The following HDAC4 variants were observed in gnomAD, a reference collection of about 807,000 sequenced individuals.
HDAC4 encodes the protein histone deacetylase A.
Under a neutral mutation model 135.1 loss-of-function variants are expected in HDAC4, and 16 were observed. The observed-to-expected ratio is 0.12, with a 90% CI of 0.08 to 0.18. The LOEUF is 0.18. HDAC4 is among the 10% of genes least tolerant of loss of function. The pLI, the probability that HDAC4 is intolerant of heterozygous loss-of-function variation, is 1.00. For synonymous variants in HDAC4, 685 were observed against 653.4 expected (o/e 1.05, Z -0.74); for missense variants, 1,143 against 1,511.8 (o/e 0.76, Z 4.05).
chr2:239,276,098 G>A (rs1270238336), intron 2 of HDAC4, among the ~76,000 whole-genome samples: 1 of 152,144 alleles, frequency 6.6e-6, no homozygotes, highest in Non-Finnish European at 1.5e-5. Context: ...CACTGCCAGG[G>A]AGGACTGCGC....
In HDAC4 at chr2:239,068,716, C is replaced by T. The variant is rs764306509; in HGVS notation, c.2751-109G>A. 543 of 932,732 alleles carry T rather than the reference C, an allele frequency of 5.8e-4. 1 individual carries two copies. The highest frequency in any genetic ancestry group is 7.9e-4 in the Non-Finnish European group (450 of 567,502). The allele number at this position is 932,732 out of a possible 1,614,324, so 57.8% of individuals were successfully genotyped here. ...TGATAATGCCTGCCCCGCACCCCCT[C>T]GGCCACTGGCGGGCTGAGGGCTCCA... On this transcript the variant is annotated intron_variant, in intron 22 of 26. Coordinates refer to ENST00000543185, the MANE Select transcript of HDAC4 (RefSeq NM_001378414.1). This position sits in a 1 kb window ranked among gnomAD's most constrained non-coding sequence, Gnocchi z 4.4.
At chr2:239,387,910 A>G (rs528255756) in intron 1 of HDAC4, among the ~76,000 whole-genome samples, 123 of 152,186 alleles carry the variant, frequency 8.1e-4, no homozygotes, top group African/African-American at 2.6e-3. Flanking sequence ...CAGGAGCAGC[A>G]GCCAGCTCAG....
chr2:239,311,074 G>A (rs1381475831), intron 2 of HDAC4, among the ~76,000 whole-genome samples: 1 of 152,232 alleles, frequency 6.6e-6, no homozygotes, highest in African/African-American at 2.4e-5. Flanking sequence ...GCTACCTGTG[G>A]TTTCATTCCA....
intron 24 of HDAC4, among the ~76,000 whole-genome samples, chr2:239,066,221 G>A (rs979100367): frequency 6.6e-6 from 1 of 152,188 alleles, no homozygotes; most frequent in Admixed American, 6.5e-5. Context: ...TCCCTCCGGC[G>A]GTGTTGGTAG....
rs891526792 is a variant in HDAC4, at chr2:239,323,930, G to C, written c.22+28748C>G. On this transcript the variant is annotated intron_variant, in intron 2 of 26. Coordinates refer to ENST00000543185, the MANE Select transcript of HDAC4 (RefSeq NM_001378414.1). The stretch of plus-strand genomic sequence containing the variant: ...ATATTTAACTTAAAAAAGAAACAGT[G>C]CAAATTTCAGAATGAAATATATCCT... Among the ~76,000 whole-genome samples, 4 of 152,152 alleles carry C rather than the reference G, an allele frequency of 2.6e-5. No individual in the cohort carries two copies. In the East Asian group the frequency reaches 7.7e-4, roughly 29 times the overall value.
chr2:239,223,603 G>A (rs901762735), intron 3 of HDAC4, among the ~76,000 whole-genome samples: 4 of 152,144 alleles, frequency 2.6e-5, no homozygotes, highest in Non-Finnish European at 5.9e-5. Context: ...ATGAACACAC[G>A]GTACGTAGCT....
chr2:239,366,712 G>T (rs1694242230), intron 1 of HDAC4, among the ~76,000 whole-genome samples: 1 of 152,144 alleles, frequency 6.6e-6, no homozygotes, highest in African/African-American at 2.4e-5. Context: ...TGGGCTCAAT[G>T]GATCATTTAA....
At chr2:239,175,197 A>G (rs2043681056) in intron 5 of HDAC4, among the ~76,000 whole-genome samples, 1 of 152,240 alleles carries the variant, frequency 6.6e-6, no homozygotes, top group Admixed American at 6.5e-5. Flanking sequence ...TGGTGATTAG[A>G]TCCTGACTGT....
Position 239,236,614 on chromosome 2 carries a change from C to T in HDAC4, c.73G>A (p.Val25Met), listed in dbSNP as rs1210413544. 5.8e-6 allele frequency: 9 copies of T among 1,551,608 alleles called. No individual in the cohort carries two copies. The highest frequency in any genetic ancestry group is 1.2e-5 in the South Asian group (1 of 84,064). The change falls in exon 3 of 27, where the codon GTG becomes ATG. Residue 25 changes from valine to methionine, a missense_variant. Coordinates refer to ENST00000543185, the MANE Select transcript of HDAC4 (RefSeq NM_001378414.1). ...TTACCCGTGCTGGGCATGTGGTTCA[C>T]GCGGGCAGGATTCAGCAGCTCCACT... ...QPVELLNPAR[V>M]NHMPSTVDVA... is the part of the protein sequence containing the mutation.
intron 1 of HDAC4, among the ~76,000 whole-genome samples, chr2:239,367,056 C>T (rs1480894367): frequency 6.6e-6 from 1 of 151,990 alleles, no homozygotes; most frequent in African/African-American, 2.4e-5. Flanking sequence ...AAGACCCTAT[C>T]GGCCAAATAA....
chr2:239,349,089 G>A lies in HDAC4; in HGVS notation c.22+3589C>T, dbSNP rs1342198985. On this transcript the variant is annotated intron_variant, in intron 2 of 26. Coordinates refer to ENST00000543185, the MANE Select transcript of HDAC4 (RefSeq NM_001378414.1). The surrounding 1 kb of genome is among the most constrained non-coding windows in gnomAD (Gnocchi z 5.7). ...ACTCCCCCAGCCCGGCCTGCCCAGG[G>A]AGTGAGGGCGGCACGGGCACCCACA... is the stretch of plus-strand genomic sequence containing the variant. 6.6e-6 allele frequency among the ~76,000 whole-genome samples: 1 copy of A among 152,212 alleles called. No individual in the cohort carries two copies. Among genetic ancestry groups the A allele is most frequent in the Non-Finnish European group, 1.5e-5 (1 of 68,036 alleles).
chr2:239,326,722 CA>C (rs1361074194), intron 2 of HDAC4, among the ~76,000 whole-genome samples: 1 of 152,210 alleles, frequency 6.6e-6, no homozygotes, highest in East Asian at 1.9e-4. Flanking sequence ...TGGAAGAAAA[CA>C]ACAGATGGCA....
rs1002614886 is a variant in HDAC4, at chr2:239,128,708, A to G, written c.1295-2014T>C. Among the ~76,000 whole-genome samples, 7 of 152,322 alleles carry G rather than the reference A, an allele frequency of 4.6e-5. No homozygotes were observed. In the East Asian group the frequency reaches 1.3e-3, roughly 29 times the overall value. On this transcript the variant is annotated intron_variant, in intron 11 of 26. Transcript: ENST00000543185. ...CTCCTCGGAAAGCAATGGGAACCTG[A>G]AATACATTTTCCTTAGCGTTGTTTT...
intron 2 of HDAC4, among the ~76,000 whole-genome samples, chr2:239,252,944 G>A (rs1229728821): frequency 2.0e-5 from 3 of 152,228 alleles, no homozygotes; most frequent in African/African-American, 4.8e-5. Flanking sequence ...GCCGGCCACC[G>A]GTTTTGCAAC....
At chr2:239,169,812 C>T (rs986853586) in intron 5 of HDAC4, among the ~76,000 whole-genome samples, 6 of 151,982 alleles carry the variant, frequency 3.9e-5, no homozygotes, top group Non-Finnish European at 7.4e-5. Context: ...CTCCCCTATG[C>T]CGCCCCGTCT....
rs1356485130 is a variant in HDAC4, at chr2:239,308,661, C to T, written c.22+44017G>A. Among the ~76,000 whole-genome samples the T allele has an allele frequency of 6.8e-6, 1 of 148,138 alleles. No homozygotes were observed. Among genetic ancestry groups the T allele is most frequent in the Non-Finnish European group, 1.5e-5 (1 of 64,992 alleles). On this transcript the variant is annotated intron_variant, in intron 2 of 26. Coordinates refer to ENST00000543185, the MANE Select transcript of HDAC4 (RefSeq NM_001378414.1). The surrounding 1 kb of genome is among the most constrained non-coding windows in gnomAD (Gnocchi z 4.2). ...TGTAGTCCAGGCAGAGTGTGGTTAACAGGCCTCCGGGTGTCCCCCCCTTCC... is the reference window on the plus strand; with the variant it reads ...TGTAGTCCAGGCAGAGTGTGGTTAATAGGCCTCCGGGTGTCCCCCCCTTCC...
chr2:239,370,920 A>G (rs1166114429), intron 1 of HDAC4, among the ~76,000 whole-genome samples: 2 of 152,228 alleles, frequency 1.3e-5, no homozygotes, highest in African/African-American at 4.8e-5. Context: ...TCCTAGTTGG[A>G]TAGTCGATGA....
In HDAC4 at chr2:239,285,581, T is replaced by G. The variant is rs2051093656; in HGVS notation, c.23-48917A>C. On this transcript the variant is annotated intron_variant, in intron 2 of 26. Transcript: ENST00000543185. The surrounding 1 kb of genome is among the most constrained non-coding windows in gnomAD (Gnocchi z 4.5). ...GAGAAAGCTGGCCAAAGGTTGGGCT[T>G]TTGAAGTACTAGAAACTTCCTCTTC... Among the ~76,000 whole-genome samples, 1 of 152,194 alleles carries G rather than the reference T, an allele frequency of 6.6e-6. No homozygotes were observed. Among genetic ancestry groups the G allele is most frequent in the Admixed American group, 6.5e-5 (1 of 15,290 alleles).
At chr2:239,391,202 G>A (rs1696181820) in intron 1 of HDAC4, among the ~76,000 whole-genome samples, 2 of 152,212 alleles carry the variant, frequency 1.3e-5, no homozygotes, top group Non-Finnish European at 2.9e-5. Flanking sequence ...CCTAACAAGC[G>A]CAGCATGCCC....
Sources: allele counts gnomAD v4.1 joint callset (sites outside exome capture counted in the v4.1 genomes callset), GRCh38; gene constraint gnomAD v4.1.1; non-coding constraint Gnocchi (gnomAD v3.1); transcripts MANE v1.5; gene names NCBI Gene and HGNC (gene_info 2026-07-23, HGNC 2026-07-21).